The following NIPAL3 variants were observed in gnomAD, a reference collection of about 807,000 sequenced individuals.
NIPAL3 encodes the protein NIPA like domain containing 3.
A neutral mutation model predicts 47.2 loss-of-function variants in NIPAL3; 41 were observed. The ratio of observed to expected loss-of-function variants is 0.87; its 90% CI spans 0.68 to 1.13. NIPAL3 has a LOEUF of 1.13. NIPAL3 is among the 50% of genes most tolerant of loss of function. The probability of loss-of-function intolerance (pLI) is 0.00; values close to 1 mark genes in which losing one functional copy is unlikely to be tolerated. For missense variants in NIPAL3, 449 were observed against 530.1 expected, an observed-to-expected ratio of 0.85 and a Z score of 1.50; for synonymous variants, 194 against 209.6, an observed-to-expected ratio of 0.93 and a Z score of 0.64.
intron 3 of NIPAL3, 63 bp from the exon 4 acceptor site, chr1:24,441,992 C>T (rs1645409850): frequency 1.3e-6 from 2 of 1,560,050 alleles, no homozygotes; most frequent in Non-Finnish European, 1.7e-6. Flanking sequence ...TTTAGGGTAC[C>T]TACATCATAG....
rs779781797 is a variant in NIPAL3 at position 24,454,646 on chromosome 1, C to T, written c.637+1142C>T. On this transcript the variant is annotated intron_variant, in intron 7 of 11. Coordinates refer to ENST00000374399, the MANE Select transcript of NIPAL3 (RefSeq NM_020448.5). This position sits in a 1 kb window ranked among gnomAD's most constrained non-coding sequence, Gnocchi z 4.1. The stretch of plus-strand genomic sequence containing the variant: ...TTAGTATTTCATAGAGTTGTGAAAC[C>T]ATCATCCTAATCTAATTTTAGAACA... 64 of 716,658 alleles carry T rather than the reference C, an allele frequency of 8.9e-5. No homozygotes were observed. Among genetic ancestry groups the T allele is most frequent in the South Asian group, 1.9e-4 (3 of 15,854 alleles). The allele number at this position is 716,658 out of a possible 1,614,324, so 44.4% of individuals were successfully genotyped here.
chr1:24,472,547 G>A lies in NIPAL3; in HGVS notation c.*3362G>A, dbSNP rs1646938932. 6.6e-6 allele frequency: 1 copy of A among 152,164 alleles called. No individual in the cohort carries two copies. The highest frequency in any genetic ancestry group is 2.4e-5 in the African/African-American group (1 of 41,418). The allele number at this position is 152,164 out of a possible 1,614,324, so 9.4% of individuals were successfully genotyped here. A position where few individuals can be genotyped will look rare whatever the true frequency, so the allele number is the denominator to read the frequency against. On this transcript the variant is annotated 3_prime_UTR_variant, in exon 12 of 12. Transcript: ENST00000374399. ...GAGCAGCCCAGGTACCTAAAGCAAG[G>A]TCACCAAACTTGGGTTTAAACTTCA...
intron 2 of NIPAL3, among the ~76,000 whole-genome samples, chr1:24,438,436 A>G (rs562645162): frequency 4.0e-4 from 61 of 152,270 alleles, no homozygotes; most frequent in African/African-American, 1.4e-3. Flanking sequence ...TAGTGATTTC[A>G]GTTGGTGGGC....
chr1:24,456,967 G>A (rs549313324), intron 8 of NIPAL3, among the ~76,000 whole-genome samples: 28 of 152,138 alleles, frequency 1.8e-4, no homozygotes, highest in African/African-American at 6.5e-4. Context: ...TTCACTTTGT[G>A]GGCCAGGCTG....
At chr1:24,465,996 C>T in intron 11 of NIPAL3, 1 of 1,608,644 alleles carries the variant, frequency 6.2e-7, no homozygotes, top group Non-Finnish European at 8.5e-7. Context: ...TGCCTTTTGT[C>T]TACCTAGATT....
In NIPAL3 at chr1:24,472,605, T is replaced by C. The variant is rs998926434; in HGVS notation, c.*3420T>C. The C allele has an allele frequency of 1.3e-5, 2 of 152,130 alleles. No homozygotes were observed. The highest frequency in any genetic ancestry group is 2.4e-5 in the African/African-American group (1 of 41,422). 9.4% of individuals were successfully genotyped at this position (152,130 alleles called of 1,614,324 possible). A position where few individuals can be genotyped will look rare whatever the true frequency, so the allele number is the denominator to read the frequency against. Reference sequence around the variant, plus strand: ...TCACAGCAGGGTTCAGGTTATGCAGTTTTTGCAGTGTGGAGTTGAACGCTG... The same window carrying C: ...TCACAGCAGGGTTCAGGTTATGCAGCTTTTGCAGTGTGGAGTTGAACGCTG... On this transcript the variant is annotated 3_prime_UTR_variant, in exon 12 of 12. Transcript: ENST00000374399.
In NIPAL3 at chr1:24,419,397, A is replaced by G; in HGVS notation, c.-151A>G. 1 of 1,342,506 alleles carries G rather than the reference A, an allele frequency of 7.4e-7. No homozygotes were observed. Among genetic ancestry groups the G allele is most frequent in the Non-Finnish European group, 9.5e-7 (1 of 1,048,478 alleles). The allele number at this position is 1,342,506 out of a possible 1,614,324, so 83.2% of individuals were successfully genotyped here. ...GAGGAGAAGGCTGTAAATCTGCCAA[A>G]ACAGCCTTGAAGTATTCTTTTGTCA... On this transcript the variant is annotated 5_prime_UTR_variant, in exon 2 of 12. Coordinates refer to ENST00000374399, the MANE Select transcript of NIPAL3 (RefSeq NM_020448.5).
chr1:24,429,279 G>A (rs1644770904), intron 2 of NIPAL3, among the ~76,000 whole-genome samples: 1 of 152,124 alleles, frequency 6.6e-6, no homozygotes. Flanking sequence ...GGGCATGGTG[G>A]CACATGCCTG....
At chr1:24,438,226 G>C (rs1331542968) in intron 2 of NIPAL3, among the ~76,000 whole-genome samples, 1 of 152,190 alleles carries the variant, frequency 6.6e-6, no homozygotes, top group Admixed American at 6.5e-5. Flanking sequence ...CTGCCTGCAG[G>C]TGGCTTTATT....
chr1:24,415,789 T>C (rs1643991137), upstream of NIPAL3: 1 of 966,028 alleles, frequency 1.0e-6, no homozygotes, highest in African/African-American at 1.8e-5. Flanking sequence ...CACTGCAGCA[T>C]CTTGGCAGCT....
intron 2 of NIPAL3, chr1:24,422,252 A>G (rs1220200626): frequency 2.0e-5 from 3 of 152,074 alleles, no homozygotes; most frequent in South Asian, 4.2e-4. Context: ...TCCCCTTCCT[A>G]TGCAGCTACT....
At chr1:24,464,435 G>T (rs908639872) in intron 11 of NIPAL3, 2 of 184,652 alleles carry the variant, frequency 1.1e-5, no homozygotes, top group African/African-American at 4.7e-5. Flanking sequence ...CATTCATCTA[G>T]TTGGAATGAA....
chr1:24,460,046 C>A (rs1443813998), intron 9 of NIPAL3, among the ~76,000 whole-genome samples: 1 of 152,116 alleles, frequency 6.6e-6, no homozygotes, highest in Non-Finnish European at 1.5e-5. Flanking sequence ...AAGCACAAAG[C>A]CTTGTTTATC....
At chr1:24,423,830 CCCTG>C (rs1383261489) in intron 2 of NIPAL3, among the ~76,000 whole-genome samples, 2 of 152,056 alleles carry the variant, frequency 1.3e-5, no homozygotes, top group African/African-American at 4.8e-5. Context: ...TGGTACGTAG[CCCTG>C]GGTTGATTTA....
At position 24,440,241 on chromosome 1, in the gene NIPAL3, G is replaced by A; in HGVS notation, c.162+1G>A. The A allele has an allele frequency of 6.3e-7, 1 of 1,587,318 alleles. No homozygotes were observed. The highest frequency in any genetic ancestry group is 8.6e-7 in the Non-Finnish European group (1 of 1,167,950). ...GGTCAGCATTGCACTTAACCTCCAG[G>A]TAAGTTTCAGTTACCAGCACTGTCT... On this transcript the variant is annotated splice_donor_variant, in intron 3 of 11. Transcript: ENST00000374399. LOFTEE classifies it high-confidence loss of function.
intron 2 of NIPAL3, chr1:24,419,906 A>C (rs1570163795): frequency 6.5e-6 from 2 of 309,962 alleles, no homozygotes; most frequent in Non-Finnish European, 1.2e-5. Context: ...GCATGGTGAA[A>C]CCCCGTCTCT....
rs1646873370 is a variant in NIPAL3, at chr1:24,470,668, A to C, written c.*1483A>C. 6.6e-6 allele frequency: 1 copy of C among 152,232 alleles called. No homozygotes were observed. Among genetic ancestry groups the C allele is most frequent in the Non-Finnish European group, 1.5e-5 (1 of 68,050 alleles). 9.4% of individuals were successfully genotyped at this position (152,232 alleles called of 1,614,324 possible). On this transcript the variant is annotated 3_prime_UTR_variant, in exon 12 of 12. Transcript: ENST00000374399. ...CTCACCACTTCCCTAGACAGCCTTT[A>C]ATAGGCATGATAACAGTGTTAATAG...
In NIPAL3 at chr1:24,419,282, C is replaced by T. The variant is rs1259118059; in HGVS notation, c.-257-9C>T. On this transcript the variant is annotated splice_polypyrimidine_tract_variant and intron_variant, in intron 1 of 11. Coordinates refer to ENST00000374399, the MANE Select transcript of NIPAL3 (RefSeq NM_020448.5). ...CATGCATTTTTAATGTTCCTCTCCA[C>T]CACCCTAGAGCACCGCAAGAACTGG... 3.5e-6 allele frequency: 4 copies of T among 1,142,762 alleles called. No homozygotes were observed. Among genetic ancestry groups the T allele is most frequent in the South Asian group, 7.8e-5 (2 of 25,684 alleles). The allele number at this position is 1,142,762 out of a possible 1,614,324, so 70.8% of individuals were successfully genotyped here.
intron 4 of NIPAL3, among the ~76,000 whole-genome samples, chr1:24,442,764 A>C (rs558026400): frequency 8.3e-4 from 127 of 152,300 alleles, no homozygotes; most frequent in African/African-American, 2.9e-3. Flanking sequence ...CAGCCTGGGC[A>C]ACATGGAGAG....
Sources: allele counts gnomAD v4.1 joint callset (sites outside exome capture counted in the v4.1 genomes callset), GRCh38; gene constraint gnomAD v4.1.1; non-coding constraint Gnocchi (gnomAD v3.1); transcripts MANE v1.5; gene names NCBI Gene and HGNC (gene_info 2026-07-23, HGNC 2026-07-21).